SUSD4: variants seen among roughly 807,000 people sequenced by gnomAD.
The protein encoded by SUSD4 is sushi domain containing 4, also known as sushi domain-containing protein 4.
Under a neutral mutation model 50.5 loss-of-function variants are expected in SUSD4, and 41 were observed. The observed-to-expected ratio is 0.81, with a 90% CI of 0.63 to 1.05. The LOEUF (loss-of-function observed/expected upper bound fraction) is 1.05, where lower values mean the gene tolerates loss of function less well. Among genes scored for constraint, SUSD4 ranks in the 50% least tolerant of loss-of-function variants. The pLI is 0.00. For missense variants in SUSD4, 580 were observed against 634.7 expected, an observed-to-expected ratio of 0.91 and a Z score of 0.93; for synonymous variants, 257 against 257.3, an observed-to-expected ratio of 1.00 and a Z score of 0.01.
intron 2 of SUSD4, among the ~76,000 whole-genome samples, chr1:223,321,038 C>T (rs752787838): frequency 3.3e-5 from 5 of 152,208 alleles, no homozygotes; most frequent in Admixed American, 1.3e-4. Context: ...TCTCATGCCT[C>T]ACCTGTCCAG....
At chr1:223,296,274 G>C (rs144336715) in intron 2 of SUSD4, among the ~76,000 whole-genome samples, 106 of 152,292 alleles carry the variant, frequency 7.0e-4, no homozygotes, top group African/African-American at 2.5e-3. Flanking sequence ...GTGGGAGTGA[G>C]AGAGGAGAGA....
intron 2 of SUSD4, among the ~76,000 whole-genome samples, chr1:223,336,250 G>A (rs1437742974): frequency 6.6e-6 from 1 of 152,036 alleles, no homozygotes; most frequent in Admixed American, 6.5e-5. Context: ...CACTGTGCCC[G>A]GCCAATAATG....
At chr1:223,251,968 G>A (rs1447470949) in intron 5 of SUSD4, among the ~76,000 whole-genome samples, 2 of 148,600 alleles carry the variant, frequency 1.3e-5, no homozygotes, top group African/African-American at 5.0e-5. Flanking sequence ...CTATTGCAAG[G>A]ACAAAAAACC....
chr1:223,279,102 T>C (rs1663499014), intron 3 of SUSD4, among the ~76,000 whole-genome samples: 2 of 152,070 alleles, frequency 1.3e-5, no homozygotes, highest in South Asian at 2.1e-4. Flanking sequence ...CAAAGGTAGA[T>C]AAAACCACAA....
intron 5 of SUSD4, among the ~76,000 whole-genome samples, chr1:223,259,435 C>T (rs1422410356): frequency 1.3e-5 from 2 of 152,130 alleles, no homozygotes; most frequent in Non-Finnish European, 2.9e-5. Context: ...CCCCAAATTC[C>T]AAGTTTTTGC....
In SUSD4 at chr1:223,221,933, T is replaced by A; in HGVS notation, c.*259A>T. ...CAGCACGATACACATTTAACACCCCTCATCCAAGACCACGCGAGGGCTTCC... is the reference window on the plus strand; with the variant it reads ...CAGCACGATACACATTTAACACCCCACATCCAAGACCACGCGAGGGCTTCC... On this transcript the variant is annotated 3_prime_UTR_variant, in exon 9 of 9. Transcript: ENST00000366878. The A allele has an allele frequency of 2.2e-6, 1 of 450,662 alleles. No homozygotes were observed. Among genetic ancestry groups the A allele is most frequent in the Non-Finnish European group, 3.9e-6 (1 of 255,450 alleles). The allele number at this position is 450,662 out of a possible 1,614,324, so 27.9% of individuals were successfully genotyped here.
At position 223,227,818 on chromosome 1, in the gene SUSD4, G is replaced by A; in HGVS notation, c.917-80C>T. ...GAGGTTCCCCGTGGGCTCATTTGCT[G>A]GATTCATCTGGCACAAGAGATGCGT... On this transcript the variant is annotated intron_variant, in intron 6 of 8. Transcript: ENST00000366878. This position sits in a 1 kb window ranked among gnomAD's most constrained non-coding sequence, Gnocchi z 4.5. 1 of 1,494,222 alleles carries A rather than the reference G, an allele frequency of 6.7e-7. No homozygotes were observed. The highest frequency in any genetic ancestry group is 1.3e-5 in the South Asian group (1 of 76,658). 92.6% of individuals were successfully genotyped at this position (1,494,222 alleles called of 1,614,324 possible). A position where few individuals can be genotyped will look rare whatever the true frequency, so the allele number is the denominator to read the frequency against.
intron 2 of SUSD4, among the ~76,000 whole-genome samples, chr1:223,330,724 A>G (rs1667128228): frequency 6.6e-6 from 1 of 152,236 alleles, no homozygotes; most frequent in Non-Finnish European, 1.5e-5. Context: ...AGTACAGTGG[A>G]GACAAATTCA....
At chr1:223,223,067 T>C (rs375594479) in intron 8 of SUSD4, among the ~76,000 whole-genome samples, 182 bp downstream of exon 8, 1 of 152,360 alleles carries the variant, frequency 6.6e-6, no homozygotes, top group East Asian at 1.9e-4. Context: ...CCTACAATAA[T>C]TGGCCTTGCC....
In SUSD4 at chr1:223,229,127, C is replaced by T. The variant is rs1659720507; in HGVS notation, c.916+70G>A. On this transcript the variant is annotated intron_variant, in intron 6 of 8. Transcript: ENST00000366878. This position sits in a 1 kb window ranked among gnomAD's most constrained non-coding sequence, Gnocchi z 4.7. Reference sequence around the variant, plus strand: ...AGGAGAGATACAGCTTGGTACATAACCACCACCCACTATGTGCAGATGGTC... The same window carrying T: ...AGGAGAGATACAGCTTGGTACATAATCACCACCCACTATGTGCAGATGGTC... The T allele has an allele frequency of 2.7e-6, 4 of 1,463,612 alleles. No homozygotes were observed. Among genetic ancestry groups the T allele is most frequent in the Non-Finnish European group, 3.7e-6 (4 of 1,072,152 alleles). 90.7% of individuals were successfully genotyped at this position (1,463,612 alleles called of 1,614,324 possible).
In SUSD4 at chr1:223,221,479, CTGA is replaced by C. The variant is rs745375291; in HGVS notation, c.*710_*712del. On this transcript the variant is annotated 3_prime_UTR_variant, in exon 9 of 9. Transcript: ENST00000366878. ...ATGTGCCACACCATGAATACAAACA[CTGA>C]TGATATGTTACCAGAAGACAGCACA... The C allele has an allele frequency of 5.6e-6, 1 of 179,380 alleles. No homozygotes were observed. The highest frequency in any genetic ancestry group is 1.2e-5 in the Non-Finnish European group (1 of 86,292). The allele number at this position is 179,380 out of a possible 1,614,324, so 11.1% of individuals were successfully genotyped here. A position where few individuals can be genotyped will look rare whatever the true frequency, so the allele number is the denominator to read the frequency against.
intron 3 of SUSD4, among the ~76,000 whole-genome samples, chr1:223,282,003 A>G (rs142064973): frequency 0.041 from 6,175 of 152,292 alleles, 405 homozygotes; most frequent in African/African-American, 0.14. Flanking sequence ...GATTATCTCA[A>G]TAGACATGGA....
Position 223,363,348 on chromosome 1 carries a change from G to C in SUSD4, c.78C>G (p.Pro26=), listed in dbSNP as rs143717734. The change falls in exon 2 of 9, where the codon CCC becomes CCG. Residue 26 remains proline, a synonymous_variant. Coordinates refer to ENST00000366878, the MANE Select transcript of SUSD4 (RefSeq NM_017982.4). ...QQQQQQQPQS[P]QRLLAVILWF... ...ACAGGATCACGGCCAAGAGTCTCTG[G>C]GGGGACTGAGGTTGCTGCTGCTGCT... 3.1e-6 allele frequency: 5 copies of C among 1,608,368 alleles called. No homozygotes were observed. Among genetic ancestry groups the C allele is most frequent in the East Asian group, 2.2e-5 (1 of 44,700 alleles).
rs528142282 is a variant in SUSD4 at position 223,308,286 on chromosome 1, G to C, written c.149-15635C>G. 4.6e-5 allele frequency among the ~76,000 whole-genome samples: 7 copies of C among 152,222 alleles called. No homozygotes were observed. In the South Asian group the frequency reaches 1.5e-3, roughly 32 times the overall value. On this transcript the variant is annotated intron_variant, in intron 2 of 8. Coordinates refer to ENST00000366878, the MANE Select transcript of SUSD4 (RefSeq NM_017982.4). The stretch of plus-strand genomic sequence containing the variant: ...CCCTTGGTGCTGTTCTTGTGATAGT[G>C]AGTGAGTTCTCTTGAGATGTGGTTG...
At chr1:223,348,801 G>C (rs1046047855) in intron 2 of SUSD4, among the ~76,000 whole-genome samples, 1 of 152,162 alleles carries the variant, frequency 6.6e-6, no homozygotes, top group Non-Finnish European at 1.5e-5. Context: ...TTCTAAGCTT[G>C]TGATTTTTTT....
chr1:223,282,677 T>C (rs1304274588), intron 3 of SUSD4, among the ~76,000 whole-genome samples: 8 of 152,274 alleles, frequency 5.3e-5, no homozygotes, highest in South Asian at 2.1e-4. Flanking sequence ...AGGTAATTTA[T>C]AGATTCAATG....
At chr1:223,326,474 A>G (rs1478765236) in intron 2 of SUSD4, among the ~76,000 whole-genome samples, 1 of 152,134 alleles carries the variant, frequency 6.6e-6, no homozygotes, top group African/African-American at 2.4e-5. Context: ...AGCAAATGCA[A>G]CAAAAACAAA....
At chr1:223,263,368 G>C (rs569261546) in intron 5 of SUSD4, among the ~76,000 whole-genome samples, 64 of 152,124 alleles carry the variant, frequency 4.2e-4, no homozygotes, top group Non-Finnish European at 8.4e-4. Flanking sequence ...TTTCAGATAA[G>C]GAAAGAATAA....
At chr1:223,244,256 A>C (rs1660774806) in intron 5 of SUSD4, among the ~76,000 whole-genome samples, 1 of 152,210 alleles carries the variant, frequency 6.6e-6, no homozygotes, top group South Asian at 2.1e-4. Context: ...GGGATTAGAC[A>C]ACCAGGAGTC....
Sources: gnomAD v4.1 joint callset for allele counts (sites outside exome capture counted in the v4.1 genomes callset) on GRCh38, gnomAD v4.1.1 for gene constraint, Gnocchi (gnomAD v3.1) non-coding constraint, MANE v1.5 for transcripts, NCBI Gene and HGNC (gene_info 2026-07-23, HGNC 2026-07-21) for gene names.